MYLK: variants seen among roughly 807,000 people sequenced by gnomAD.
The protein encoded by MYLK is myosin light chain kinase, smooth muscle.
MYLK carries 106 observed loss-of-function variants against 203.4 expected under a neutral mutation model. The ratio of observed to expected loss-of-function variants is 0.52; its 90% confidence interval spans 0.45 to 0.61. The LOEUF (loss-of-function observed/expected upper bound fraction) is 0.61. Among genes scored for constraint, MYLK ranks in the 20% least tolerant of loss-of-function variants. The probability of loss-of-function intolerance (pLI) is 0.00; values close to 1 mark genes in which losing one functional copy is unlikely to be tolerated. For synonymous variants in MYLK, 867 were observed against 959.5 expected (o/e 0.90, Z 1.78); for missense variants, 2,072 against 2,442.3 (o/e 0.85, Z 3.20).
chr3:123,813,516 C>CTCTCT (rs372645931), intron 3 of MYLK, among the ~76,000 whole-genome samples: 40 of 146,356 alleles, frequency 2.7e-4, no homozygotes, highest in Middle Eastern at 3.6e-3. Flanking sequence ...CTCTCTCTCT[C>CTCTCT]TTTTTTTTTT....
At chr3:123,794,380 G>A (rs1010255701) in intron 3 of MYLK, among the ~76,000 whole-genome samples, 2 of 152,188 alleles carry the variant, frequency 1.3e-5, no homozygotes, top group Non-Finnish European at 2.9e-5. Flanking sequence ...GTGAGGTAAA[G>A]GGAGAGTCTT....
Position 123,629,716 on chromosome 3 carries a change from C to T in MYLK, c.4962-90G>A. On this transcript the variant is annotated intron_variant, in intron 29 of 33. Transcript: ENST00000360304. The surrounding 1 kb of genome is among the most constrained non-coding windows in gnomAD (Gnocchi z 4.4). ...AACTGAGGTCAAAGGCGAGGGTCGG[C>T]CAGCCTCCCCACCCCCAAACTCATG... is the stretch of plus-strand genomic sequence containing the variant. The T allele has an allele frequency of 7.2e-7, 1 of 1,385,248 alleles. No individual in the cohort carries two copies. 85.8% of individuals were successfully genotyped at this position (1,385,248 alleles called of 1,614,324 possible). A position where few individuals can be genotyped will look rare whatever the true frequency, so the allele number is the denominator to read the frequency against.
intron 12 of MYLK, 50 bp downstream of exon 12, chr3:123,725,894 C>A: frequency 6.3e-7 from 1 of 1,597,838 alleles, no homozygotes; most frequent in Non-Finnish European, 8.5e-7. Context: ...TCAGGCAGCG[C>A]CAAAGGGCCC....
intron 4 of MYLK, among the ~76,000 whole-genome samples, chr3:123,784,251 A>G (rs1576962165): frequency 6.6e-6 from 1 of 152,214 alleles, no homozygotes; most frequent in East Asian, 1.9e-4. Context: ...TGTAAAGAAA[A>G]GCCACTTATA....
At chr3:123,883,588 C>T (rs867764918) in intron 1 of MYLK, among the ~76,000 whole-genome samples, 2 of 152,336 alleles carry the variant, frequency 1.3e-5, no homozygotes, top group Admixed American at 1.3e-4. Flanking sequence ...CCATTGACAA[C>T]TCACATCTCC....
intron 2 of MYLK, among the ~76,000 whole-genome samples, chr3:123,847,933 T>A (rs1327147441): frequency 1.3e-5 from 2 of 152,092 alleles, no homozygotes; most frequent in African/African-American, 4.8e-5. Flanking sequence ...TCTATCCTCT[T>A]AGACAGTTTG....
chr3:123,724,713 G>C (rs1378675408), intron 12 of MYLK, among the ~76,000 whole-genome samples: 1 of 147,912 alleles, frequency 6.8e-6, no homozygotes, highest in Non-Finnish European at 1.5e-5. Context: ...AAGTGTTGGG[G>C]ACCACTGCTC....
chr3:123,782,675 C>T (rs939317181), intron 4 of MYLK, among the ~76,000 whole-genome samples: 7 of 152,122 alleles, frequency 4.6e-5, no homozygotes, highest in African/African-American at 9.7e-5. Context: ...TATCTCTCAT[C>T]GGTCATTTTG....
chr3:123,772,362 T>C (rs2063911576), intron 4 of MYLK, among the ~76,000 whole-genome samples: 1 of 152,026 alleles, frequency 6.6e-6, no homozygotes, highest in African/African-American at 2.4e-5. Context: ...CTCAAACTAA[T>C]GGGAAAAGAA....
At chr3:123,757,754 T>G (rs1324150089) in intron 4 of MYLK, among the ~76,000 whole-genome samples, 1 of 152,120 alleles carries the variant, frequency 6.6e-6, no homozygotes, top group Non-Finnish European at 1.5e-5. Flanking sequence ...GAGGGGACAT[T>G]AAGGAATTCT....
At chr3:123,848,373 G>A (rs2148661408) in intron 2 of MYLK, among the ~76,000 whole-genome samples, 1 of 151,394 alleles carries the variant, frequency 6.6e-6, no homozygotes, top group African/African-American at 2.4e-5. Flanking sequence ...GGTTTCTTTA[G>A]GATTTTTTTT....
chr3:123,708,094 T>G (rs547239488), intron 15 of MYLK, 91 bp from the exon 16 acceptor site: 1 of 1,555,394 alleles, frequency 6.4e-7, no homozygotes, highest in Non-Finnish European at 8.8e-7. Flanking sequence ...GATGGGAAGA[T>G]AGCATGTCAC....
At chr3:123,871,739 A>G (rs191010290) in intron 2 of MYLK, among the ~76,000 whole-genome samples, 1 of 151,442 alleles carries the variant, frequency 6.6e-6, no homozygotes, top group East Asian at 1.9e-4. Flanking sequence ...AACTTTCAGG[A>G]ATAAATAACA....
intron 3 of MYLK, among the ~76,000 whole-genome samples, chr3:123,830,619 C>A (rs1159630743): frequency 6.6e-6 from 1 of 152,138 alleles, no homozygotes; most frequent in Non-Finnish European, 1.5e-5. Context: ...CCACCACCCA[C>A]CAACCTTCTC....
chr3:123,843,070 G>A (rs981174156), intron 2 of MYLK, among the ~76,000 whole-genome samples: 1 of 152,098 alleles, frequency 6.6e-6, no homozygotes, highest in African/African-American at 2.4e-5. Flanking sequence ...TATCAGGCAG[G>A]GACCTAGAAC....
At chr3:123,645,125 T>C (rs780919297) in intron 27 of MYLK, among the ~76,000 whole-genome samples, 6 of 152,126 alleles carry the variant, frequency 3.9e-5, no homozygotes, top group Non-Finnish European at 7.4e-5. Context: ...TAACAATAAC[T>C]CCCCATTATA....
intron 4 of MYLK, among the ~76,000 whole-genome samples, chr3:123,754,325 C>T (rs577106930): frequency 6.6e-6 from 1 of 152,330 alleles, no homozygotes; most frequent in South Asian, 2.1e-4. Flanking sequence ...CTTTCTGTCC[C>T]CACTAATTTG....
At chr3:123,690,339 T>C (rs2060614097) in intron 19 of MYLK, among the ~76,000 whole-genome samples, 1 of 152,210 alleles carries the variant, frequency 6.6e-6, no homozygotes, top group African/African-American at 2.4e-5. Flanking sequence ...TTTGAGAATT[T>C]GACTAAAAAC....
intron 22 of MYLK, 134 bp from the exon 23 acceptor site, chr3:123,664,392 C>T: frequency 8.1e-7 from 1 of 1,240,576 alleles, no homozygotes; most frequent in Non-Finnish European, 1.2e-6. Context: ...CTGGTCTGGA[C>T]TCTGCCCTTC....
Sources: gnomAD v4.1 joint callset for allele counts (sites outside exome capture counted in the v4.1 genomes callset) on GRCh38, gnomAD v4.1.1 for gene constraint, Gnocchi (gnomAD v3.1) non-coding constraint, MANE v1.5 for transcripts, NCBI Gene and HGNC (gene_info 2026-07-23, HGNC 2026-07-21) for gene names.